ADCY8: variants seen among roughly 807,000 people sequenced by gnomAD.
The protein encoded by ADCY8 is adenylate cyclase type 8.
In ADCY8, 51 loss-of-function variants were observed where a neutral mutation model predicts 119.7. The ratio of observed to expected loss-of-function variants is 0.43; its 90% CI spans 0.34 to 0.54. The LOEUF is 0.54. Among genes scored for constraint, ADCY8 ranks in the 20% least tolerant of loss-of-function variants. The pLI, the probability that ADCY8 is intolerant of heterozygous loss-of-function variation, is 0.03. For missense variants in ADCY8, 1,383 were observed against 1,598.8 expected (o/e 0.87, Z 2.30); for synonymous variants, 665 against 651.0 (o/e 1.02, Z -0.33).
intron 15 of ADCY8, among the ~76,000 whole-genome samples, chr8:130,796,351 G>A (rs140014694): frequency 9.8e-5 from 15 of 152,308 alleles, no homozygotes; most frequent in Non-Finnish European, 1.5e-4. Flanking sequence ...ATGTGAGAGG[G>A]CTCTTCAGCC....
intron 6 of ADCY8, among the ~76,000 whole-genome samples, chr8:130,904,971 A>G (rs1169398936): frequency 2.0e-5 from 3 of 152,196 alleles, no homozygotes; most frequent in African/African-American, 7.2e-5. Flanking sequence ...GATCTCCTAG[A>G]TTCAAACCGT....
rs946328076 is a variant in ADCY8, at chr8:131,035,057, C to T, written c.960+4317G>A. The stretch of plus-strand genomic sequence containing the variant: ...TCTTATCATCAATCCTTTATTTATA[C>T]ATATAACATCATTTTGTAATGAATT... On this transcript the variant is annotated intron_variant, in intron 1 of 17. Coordinates refer to ENST00000286355, the MANE Select transcript of ADCY8 (RefSeq NM_001115.3). 2.6e-5 allele frequency among the ~76,000 whole-genome samples: 4 copies of T among 152,276 alleles called. No individual in the cohort carries two copies. The East Asian group carries it at 5.8e-4, about 22-fold the overall frequency.
At chr8:130,895,737 C>A (rs887824415) in intron 7 of ADCY8, among the ~76,000 whole-genome samples, 1 of 152,028 alleles carries the variant, frequency 6.6e-6, no homozygotes, top group East Asian at 1.9e-4. Context: ...CCTAAGTCTG[C>A]AGATGTCTTA....
At chr8:130,985,769 T>C (rs11995961) in intron 2 of ADCY8, among the ~76,000 whole-genome samples, 29,942 of 152,024 alleles carry the variant, frequency 0.2, 5,674 homozygotes, top group African/African-American at 0.5. Context: ...GGAAACCCAG[T>C]TTTCTCAATC....
In ADCY8 at chr8:130,821,431, A is replaced by G. The variant is rs201691369; in HGVS notation, c.2676-11T>C. Reference sequence around the variant, plus strand: ...GTCCCCAGGAAATCTCTGTTGGAAGAAAAAAGGAACTGATAACCATGGGGG... The same window carrying G: ...GTCCCCAGGAAATCTCTGTTGGAAGGAAAAAGGAACTGATAACCATGGGGG... On this transcript the variant is annotated splice_polypyrimidine_tract_variant and intron_variant, in intron 12 of 17. Coordinates refer to ENST00000286355, the MANE Select transcript of ADCY8 (RefSeq NM_001115.3). 4.4e-5 allele frequency: 70 copies of G among 1,608,754 alleles called. No homozygotes were observed. Among genetic ancestry groups the G allele is most frequent in the Non-Finnish European group, 5.6e-5 (66 of 1,175,744 alleles).
chr8:130,971,420 C>T (rs1288359415), intron 2 of ADCY8, among the ~76,000 whole-genome samples: 1 of 152,124 alleles, frequency 6.6e-6, no homozygotes, highest in East Asian at 1.9e-4. Flanking sequence ...ACTTACAGTT[C>T]TGTGTTTTCT....
chr8:131,012,065 GAAACTCT>G (rs1823324775), intron 1 of ADCY8, among the ~76,000 whole-genome samples: 1 of 152,158 alleles, frequency 6.6e-6, no homozygotes, highest in Non-Finnish European at 1.5e-5. Flanking sequence ...CTCAGAACCA[GAAACTCT>G]GCATTTTGTT....
chr8:130,989,562 A>C (rs1822511241), intron 2 of ADCY8, among the ~76,000 whole-genome samples: 1 of 152,220 alleles, frequency 6.6e-6, no homozygotes, highest in African/African-American at 2.4e-5. Context: ...TACAAGCATA[A>C]AATTTCCAAG....
At chr8:130,824,107 G>T (rs6997439) in intron 12 of ADCY8, among the ~76,000 whole-genome samples, 33,418 of 151,992 alleles carry the variant, frequency 0.22, 3,747 homozygotes, top group Admixed American at 0.26. Context: ...AGAACTCATA[G>T]CTCAGGCACC....
chr8:130,916,877 G>C (rs925077267), intron 5 of ADCY8, among the ~76,000 whole-genome samples: 5 of 152,186 alleles, frequency 3.3e-5, no homozygotes, highest in African/African-American at 1.2e-4. Flanking sequence ...TCTGAAGGCT[G>C]TGAGACTCCT....
intron 7 of ADCY8, among the ~76,000 whole-genome samples, chr8:130,903,110 A>G (rs1292297281): frequency 2.6e-5 from 4 of 152,116 alleles, no homozygotes; most frequent in African/African-American, 9.7e-5. Flanking sequence ...CATTGGGTTT[A>G]CTGTGATTTC....
intron 2 of ADCY8, among the ~76,000 whole-genome samples, chr8:130,977,146 G>A (rs199797088): frequency 2.0e-5 from 3 of 152,166 alleles, no homozygotes; most frequent in East Asian, 3.9e-4. Flanking sequence ...GAAACTGCCC[G>A]GGTCGGGTGT....
chr8:130,936,461 A>G (rs1022187808), intron 5 of ADCY8, among the ~76,000 whole-genome samples: 5 of 152,142 alleles, frequency 3.3e-5, no homozygotes, highest in Admixed American at 3.3e-4. Flanking sequence ...CTGCCAGCCT[A>G]CAGTCCATCT....
At chr8:130,940,364 G>A (rs913015172) in intron 4 of ADCY8, among the ~76,000 whole-genome samples, 5 of 152,146 alleles carry the variant, frequency 3.3e-5, no homozygotes, top group African/African-American at 4.8e-5. Flanking sequence ...CTCGTCTGAG[G>A]CAGACATTGG....
chr8:130,782,431 A>G (rs189182793), intron 17 of ADCY8, among the ~76,000 whole-genome samples: 79 of 152,364 alleles, frequency 5.2e-4, no homozygotes, highest in African/African-American at 1.8e-3. Flanking sequence ...ACCCAAAGTC[A>G]TACAGCTGGT....
At chr8:130,930,892 G>A (rs1820611277) in intron 5 of ADCY8, among the ~76,000 whole-genome samples, 1 of 152,060 alleles carries the variant, frequency 6.6e-6, no homozygotes, top group Non-Finnish European at 1.5e-5. Flanking sequence ...TTTAAAATAA[G>A]CTTTCTACCC....
At chr8:130,948,557 C>A (rs1485210242) in intron 3 of ADCY8, among the ~76,000 whole-genome samples, 1 of 151,678 alleles carries the variant, frequency 6.6e-6, no homozygotes, top group Non-Finnish European at 1.5e-5. Flanking sequence ...TTAAGCATAC[C>A]CTTTCCTGAT....
intron 15 of ADCY8, among the ~76,000 whole-genome samples, chr8:130,787,816 G>A (rs2130058937): frequency 6.6e-6 from 1 of 150,464 alleles, no homozygotes; most frequent in South Asian, 2.1e-4. Flanking sequence ...TGTTGTTTAT[G>A]TGCATGTGCA....
intron 14 of ADCY8, among the ~76,000 whole-genome samples, chr8:130,811,076 C>T (rs530279450): frequency 2.0e-5 from 3 of 152,256 alleles, no homozygotes; most frequent in Admixed American, 1.3e-4. Context: ...GCTCTTGCAA[C>T]AAAGACACTG....
Sources: allele counts gnomAD v4.1 joint callset (sites outside exome capture counted in the v4.1 genomes callset), GRCh38; gene constraint gnomAD v4.1.1; transcripts MANE v1.5; gene names NCBI Gene and HGNC (gene_info 2026-07-23, HGNC 2026-07-21).